Variants in NPAS3 observed in about 807,000 individuals in gnomAD.
NPAS3 encodes neuronal PAS domain-containing protein 3.
A neutral mutation model predicts 73.1 loss-of-function variants in NPAS3; 14 were observed. That is an observed-to-expected ratio of 0.19 (90% CI 0.13 to 0.30). NPAS3 has a LOEUF of 0.30. Among genes scored for constraint, NPAS3 ranks in the 10% least tolerant of loss-of-function variants. The pLI is 1.00. For synonymous variants in NPAS3, 620 were observed against 541.5 expected (o/e 1.14, Z -2.01); for missense variants, 1,096 against 1,250.0 (o/e 0.88, Z 1.86).
chr14:33,126,225 A>G (rs575270502), intron 2 of NPAS3, among the ~76,000 whole-genome samples: 3 of 152,142 alleles, frequency 2.0e-5, no homozygotes, highest in Admixed American at 2.0e-4. Flanking sequence ...ACCACTACTT[A>G]TCTACTTGCA....
intron 4 of NPAS3, among the ~76,000 whole-genome samples, chr14:33,533,331 A>G (rs921765651): frequency 1.3e-5 from 2 of 152,200 alleles, no homozygotes; most frequent in Non-Finnish European, 2.9e-5. Flanking sequence ...CCATTAGAAC[A>G]TGGTCAAAAG....
intron 6 of NPAS3, among the ~76,000 whole-genome samples, chr14:33,681,905 G>C (rs1377417288): frequency 6.6e-6 from 1 of 151,860 alleles, no homozygotes; most frequent in Non-Finnish European, 1.5e-5. Context: ...TAGTCGAGTG[G>C]TATGCTACTT....
At chr14:33,280,390 G>T (rs2041546592) in intron 3 of NPAS3, among the ~76,000 whole-genome samples, 1 of 152,138 alleles carries the variant, frequency 6.6e-6, no homozygotes, top group Non-Finnish European at 1.5e-5. Flanking sequence ...AAGAAAGGTT[G>T]TTTATTACAG....
chr14:33,680,118 C>T (rs1443829813), intron 6 of NPAS3, among the ~76,000 whole-genome samples: 4 of 152,112 alleles, frequency 2.6e-5, no homozygotes, highest in African/African-American at 9.7e-5. Context: ...TTTCTTTTTG[C>T]AGATCTACTT....
chr14:33,797,634 G>C, intron 11 of NPAS3, 53 bp downstream of exon 11: 1 of 1,588,298 alleles, frequency 6.3e-7, no homozygotes, highest in Non-Finnish European at 8.6e-7. Flanking sequence ...ACCACGCGCA[G>C]GGGGTGGGCA....
At chr14:33,011,292 T>G (rs1318831376) in intron 1 of NPAS3, among the ~76,000 whole-genome samples, 1 of 152,242 alleles carries the variant, frequency 6.6e-6, no homozygotes. Flanking sequence ...TTCAGGGTTA[T>G]GAGTGGCCAG....
chr14:33,436,390 C>A (rs74954649), intron 4 of NPAS3, among the ~76,000 whole-genome samples: 1 of 152,032 alleles, frequency 6.6e-6, no homozygotes, highest in African/African-American at 2.4e-5. Context: ...TTCAACACAC[C>A]TTTAAACCTT....
intron 7 of NPAS3, among the ~76,000 whole-genome samples, chr14:33,764,655 C>G (rs1221748042): frequency 2.0e-5 from 3 of 152,148 alleles, no homozygotes; most frequent in African/African-American, 4.8e-5. Context: ...AGAACTGCCT[C>G]TCTACCCTCA....
chr14:33,064,235 T>C lies in NPAS3; in HGVS notation c.140+8241T>C, dbSNP rs2041205334. Among the ~76,000 whole-genome samples, 3 of 152,324 alleles carry C rather than the reference T, an allele frequency of 2.0e-5. No homozygotes were observed. The South Asian group carries it at 6.2e-4, about 32-fold the overall frequency. On this transcript the variant is annotated intron_variant, in intron 2 of 11. Coordinates refer to ENST00000356141, the Ensembl canonical transcript of NPAS3. ...CAAAAAAACTTACAGTATTATGATCTGTATTATTTAAAAAGTATATAAGCA... is the reference window on the plus strand; with the variant it reads ...CAAAAAAACTTACAGTATTATGATCCGTATTATTTAAAAAGTATATAAGCA...
intron 4 of NPAS3, among the ~76,000 whole-genome samples, chr14:33,483,290 C>T (rs1642878125): frequency 6.6e-6 from 1 of 152,180 alleles, no homozygotes; most frequent in Non-Finnish European, 1.5e-5. Context: ...GTTTATCTTG[C>T]TAGGACAGAC....
intron 3 of NPAS3, among the ~76,000 whole-genome samples, chr14:33,293,478 A>C (rs150200445): frequency 6.6e-6 from 1 of 152,344 alleles, no homozygotes; most frequent in East Asian, 1.9e-4. Context: ...GTTGTGAGTG[A>C]TTTAATGAGC....
rs907432437 is a variant in NPAS3 at position 33,215,150 on chromosome 14, T to C, written c.141-32T>C. ...TGAATGATGACAGAGTCACATATTC[T>C]AAACCACACATTCTCACTCCTTTGA... On this transcript the variant is annotated intron_variant, in intron 2 of 11. Coordinates refer to ENST00000356141, the Ensembl canonical transcript of NPAS3. 7 of 1,608,518 alleles carry C rather than the reference T, an allele frequency of 4.4e-6. No individual in the cohort carries two copies. In the Admixed American group the frequency reaches 1.0e-4, roughly 23 times the overall value.
chr14:33,116,887 A>G (rs2043082968), intron 2 of NPAS3, among the ~76,000 whole-genome samples: 1 of 152,170 alleles, frequency 6.6e-6, no homozygotes, highest in South Asian at 2.1e-4. Context: ...GTCCAACCAT[A>G]TGCCCAGGAA....
intron 2 of NPAS3, among the ~76,000 whole-genome samples, chr14:33,104,693 C>T (rs2042670614): frequency 1.3e-5 from 2 of 152,128 alleles, no homozygotes; most frequent in Admixed American, 1.3e-4. Context: ...AGTGCATAGC[C>T]GTAAGCCACA....
At chr14:33,489,230 T>C (rs1236391710) in intron 4 of NPAS3, among the ~76,000 whole-genome samples, 2 of 152,202 alleles carry the variant, frequency 1.3e-5, no homozygotes, top group Non-Finnish European at 2.9e-5. Context: ...CAATTTCTAC[T>C]CTTTCGGATT....
chr14:33,641,269 G>C (rs1486702059), intron 5 of NPAS3, among the ~76,000 whole-genome samples: 1 of 152,060 alleles, frequency 6.6e-6, no homozygotes, highest in African/African-American at 2.4e-5. Flanking sequence ...AGTCAAGAAG[G>C]CTCATGATTT....
At chr14:33,207,332 T>C (rs1301715734) in intron 2 of NPAS3, among the ~76,000 whole-genome samples, 1 of 151,482 alleles carries the variant, frequency 6.6e-6, no homozygotes, top group African/African-American at 2.4e-5. Context: ...GCCTAATGAG[T>C]CCATATTTGC....
At chr14:33,318,768 A>G (rs1214992141) in intron 3 of NPAS3, among the ~76,000 whole-genome samples, 1 of 152,142 alleles carries the variant, frequency 6.6e-6, no homozygotes. Flanking sequence ...TAAATTAACC[A>G]AATGATATTG....
At chr14:33,078,861 AG>A (rs539196576) in intron 2 of NPAS3, among the ~76,000 whole-genome samples, 84 of 152,194 alleles carry the variant, frequency 5.5e-4, no homozygotes, top group Non-Finnish European at 1.0e-3. Flanking sequence ...AAACCAGTAA[AG>A]TTTTAGAAAA....
Sources: gnomAD v4.1 joint callset for allele counts (sites outside exome capture counted in the v4.1 genomes callset) on GRCh38, gnomAD v4.1.1 for gene constraint, MANE v1.5 for transcripts, NCBI Gene and HGNC (gene_info 2026-07-23, HGNC 2026-07-21) for gene names.